Variants in CHEK2 observed in about 807,000 individuals in gnomAD.
CHEK2 encodes the protein serine/threonine-protein kinase Chk2.
CHEK2 carries 71 observed loss-of-function variants against 69.1 expected under a neutral mutation model. The ratio of observed to expected loss-of-function variants is 1.03; its 90% CI spans 0.85 to 1.25. The LOEUF (loss-of-function observed/expected upper bound fraction) is 1.25. Ranked by LOEUF, CHEK2 falls within the 50% of genes most tolerant of loss-of-function variation. CHEK2 has a pLI of 0.00. For missense variants in CHEK2, 664 were observed against 649.6 expected (o/e 1.02, Z -0.24); for synonymous variants, 189 against 226.9 (o/e 0.83, Z 1.50).
At chr22:28,688,388 G>T (rs997627772) in intron 14 of CHEK2, among the ~76,000 whole-genome samples, 6 of 152,208 alleles carry the variant, frequency 3.9e-5, no homozygotes, top group African/African-American at 1.4e-4. Context: ...TGGGAGGAAG[G>T]CTGGGTGCGG....
At chr22:28,730,145 G>A (rs1207057473) in intron 2 of CHEK2, among the ~76,000 whole-genome samples, 2 of 147,468 alleles carry the variant, frequency 1.4e-5, no homozygotes, top group Non-Finnish European at 3.0e-5. Context: ...ACCCACCCCA[G>A]AAAGAACTTT....
In CHEK2 at chr22:28,727,369, C is replaced by T. The variant is rs1391616095; in HGVS notation, c.320-2002G>A. Among the ~76,000 whole-genome samples, 3 of 152,140 alleles carry T rather than the reference C, an allele frequency of 2.0e-5. No homozygotes were observed. The East Asian group carries it at 5.8e-4, about 29-fold the overall frequency. On this transcript the variant is annotated intron_variant, in intron 2 of 14. Transcript: ENST00000404276. ...CGCTCAGCTTGTTATATAAACATTA[C>T]TCACCTGTTATCATAATGTTATCCT...
chr22:28,725,047 A>G lies in CHEK2; in HGVS notation c.522T>C (p.Leu174=). 1 of 1,614,098 alleles carries G rather than the reference A, an allele frequency of 6.2e-7. No individual in the cohort carries two copies. The highest frequency in any genetic ancestry group is 8.5e-7 in the Non-Finnish European group (1 of 1,179,978). The stretch of plus-strand genomic sequence containing the variant: ...AAGGACGGCGTTTTCCTTTCCCTAC[A>G]AGCTCTGTATTTACAAAGGTTCCAT... ...SGNGTFVNTE[L]VGKGKRRPLN... is the part of the protein sequence containing the mutation. The change falls in exon 4 of 15, where the codon CTT becomes CTC. Residue 174 remains leucine (L), a synonymous_variant. Transcript: ENST00000404276.
chr22:28,704,121 GACACACAC>G (rs10565000), intron 7 of CHEK2, among the ~76,000 whole-genome samples: 15,022 of 142,844 alleles, frequency 0.11, 799 homozygotes, highest in South Asian at 0.15. Flanking sequence ...GAGACAGACA[GACACACAC>G]ACACACACAC....
chr22:28,719,515 C>T lies in CHEK2; in HGVS notation c.593-30G>A, dbSNP rs750750615. The T allele has an allele frequency of 2.7e-5, 36 of 1,320,782 alleles. No homozygotes were observed. The East Asian group carries it at 8.6e-4, about 31-fold the overall frequency. 81.8% of individuals were successfully genotyped at this position (1,320,782 alleles called of 1,614,324 possible). On this transcript the variant is annotated intron_variant, in intron 4 of 14. Coordinates refer to ENST00000404276, the MANE Select transcript of CHEK2 (RefSeq NM_007194.4). ...GGAAGAAAAGAGTAGAAATGGGTTT[C>T]ATTAATTTATTCACAAGAGGCGATC... is the stretch of plus-strand genomic sequence containing the variant.
intron 2 of CHEK2, among the ~76,000 whole-genome samples, chr22:28,725,637 G>A (rs1183864221): frequency 6.6e-6 from 1 of 152,170 alleles, no homozygotes; most frequent in Non-Finnish European, 1.5e-5. Context: ...AAGGCAGGAG[G>A]ATCACTTGAC....
Position 28,734,756 on chromosome 22 carries a change from G to C in CHEK2, c.-6-29C>G, listed in dbSNP as rs541148846. The C allele has an allele frequency of 5.0e-5, 80 of 1,597,576 alleles. 1 individual carries two copies. The South Asian group carries it at 6.5e-4, about 13-fold the overall frequency. The stretch of plus-strand genomic sequence containing the variant: ...AAAAAGAAAGTGTCCAACAACAAAG[G>C]TGAGTTTCAAGGCACAAGACTTAAA... On this transcript the variant is annotated intron_variant, in intron 1 of 14. Coordinates refer to ENST00000404276, the MANE Select transcript of CHEK2 (RefSeq NM_007194.4).
At chr22:28,718,595 C>T (rs1306481533) in intron 5 of CHEK2, among the ~76,000 whole-genome samples, 1 of 152,044 alleles carries the variant, frequency 6.6e-6, no homozygotes, top group Non-Finnish European at 1.5e-5. Flanking sequence ...AAATACTATA[C>T]ACATGGCCAG....
intron 4 of CHEK2, among the ~76,000 whole-genome samples, chr22:28,724,084 A>G (rs987700981): frequency 6.6e-6 from 1 of 152,238 alleles, no homozygotes; most frequent in South Asian, 2.1e-4. Context: ...TCAATGAACT[A>G]TAACTTATTT....
intron 4 of CHEK2, among the ~76,000 whole-genome samples, chr22:28,719,862 C>CT (rs1052690778): frequency 6.6e-6 from 1 of 152,098 alleles, no homozygotes; most frequent in Non-Finnish European, 1.5e-5. Flanking sequence ...ATCCATCAGT[C>CT]TGAGCCTAGA....
chr22:28,731,018 A>C (rs1455862251), intron 2 of CHEK2, among the ~76,000 whole-genome samples: 1 of 152,108 alleles, frequency 6.6e-6, no homozygotes, highest in East Asian at 1.9e-4. Context: ...AGACTGCAAC[A>C]TGATGAAACC....
chr22:28,740,598 G>A (rs1425132555), intron 1 of CHEK2, among the ~76,000 whole-genome samples: 1 of 152,178 alleles, frequency 6.6e-6, no homozygotes, highest in Non-Finnish European at 1.5e-5. Context: ...AATACTGACT[G>A]ACTTGTGGAA....
intron 6 of CHEK2, among the ~76,000 whole-genome samples, chr22:28,711,282 A>C (rs2053381741): frequency 6.6e-6 from 1 of 152,216 alleles, no homozygotes; most frequent in South Asian, 2.1e-4. Flanking sequence ...ATCTATGGCT[A>C]ATCCATAAAC....
In CHEK2 at chr22:28,708,952, C is replaced by CAAA. The variant is rs374623367; in HGVS notation, c.846+1051_846+1053dup. ...TGGGTGACAGAGCGAGCCTCCGTCT[C>CAAA]AAAAAAAAAAAAAAAAAAAAAACAA... On this transcript the variant is annotated intron_variant, in intron 7 of 14. Coordinates refer to ENST00000404276, the MANE Select transcript of CHEK2 (RefSeq NM_007194.4). 1,032 of 330,374 alleles carry CAAA rather than the reference C, an allele frequency of 3.1e-3. 5 individuals carry two copies. The highest frequency in any genetic ancestry group is 3.4e-3 in the Non-Finnish European group (598 of 173,914). The allele number at this position is 330,374 out of a possible 1,614,324, so 20.5% of individuals were successfully genotyped here.
intron 8 of CHEK2, 79 bp from the exon 9 acceptor site, chr22:28,700,016 A>G: frequency 2.2e-6 from 2 of 912,442 alleles, no homozygotes; most frequent in Non-Finnish European, 3.5e-6. Context: ...ACAACAAAAC[A>G]AATTCATTAA....
chr22:28,695,883 A>C lies in CHEK2; in HGVS notation c.1096-10T>G, dbSNP rs1555913946. The C allele has an allele frequency of 6.2e-7, 1 of 1,603,338 alleles. No homozygotes were observed. Among genetic ancestry groups the C allele is most frequent in the Non-Finnish European group, 8.5e-7 (1 of 1,170,148 alleles). ...GCCCAAAATCAGTAATCTAAAATTC[A>C]GTACAAAAGGGAATAATGTTGAACT... is the stretch of plus-strand genomic sequence containing the variant. On this transcript the variant is annotated splice_polypyrimidine_tract_variant and intron_variant, in intron 10 of 14. Transcript: ENST00000404276.
intron 5 of CHEK2, among the ~76,000 whole-genome samples, chr22:28,715,397 TTTTA>T (rs3029446): frequency 6.0e-5 from 9 of 148,956 alleles, no homozygotes; most frequent in South Asian, 2.1e-4. Context: ...TTATTTTTAT[TTTTA>T]TTTATTTATT....
At chr22:28,714,479 G>A (rs1378649864) in intron 5 of CHEK2, among the ~76,000 whole-genome samples, 1 of 152,032 alleles carries the variant, frequency 6.6e-6, no homozygotes, top group Non-Finnish European at 1.5e-5. Context: ...TTTTTAAATG[G>A]CAGGTTGTTT....
chr22:28,730,235 AGAAAAGAGGAGAGGAGAGGAGGGGAGGG>A, intron 2 of CHEK2, among the ~76,000 whole-genome samples: 1 of 120,128 alleles, frequency 8.3e-6, no homozygotes, highest in African/African-American at 3.2e-5. Context: ...AGAAGAGGAA[AGAAAAGAGGAGAGGAGAGGAGGGGAGGG>A]GAGGAAAGGA....
Sources: allele counts gnomAD v4.1 joint callset (sites outside exome capture counted in the v4.1 genomes callset), GRCh38; gene constraint gnomAD v4.1.1; transcripts MANE v1.5; gene names NCBI Gene and HGNC (gene_info 2026-07-23, HGNC 2026-07-21).